ADAMTS12: variants seen among roughly 807,000 people sequenced by gnomAD.
The protein encoded by ADAMTS12 is A disintegrin and metalloproteinase with thrombospondin motifs 12.
Under a neutral mutation model 167.8 loss-of-function variants are expected in ADAMTS12, and 118 were observed. The observed-to-expected ratio is 0.70, with a 90% confidence interval of 0.61 to 0.82. The LOEUF (loss-of-function observed/expected upper bound fraction) is 0.82. Ranked by LOEUF, ADAMTS12 falls within the 40% of genes least tolerant of loss-of-function variation. The pLI, the probability that ADAMTS12 is intolerant of heterozygous loss-of-function variation, is 0.00. For synonymous variants in ADAMTS12, 704 were observed against 716.9 expected (o/e 0.98, Z 0.29); for missense variants, 1,916 against 1,998.8 (o/e 0.96, Z 0.79).
chr5:33,597,836 A>G (rs1737982149), intron 16 of ADAMTS12, among the ~76,000 whole-genome samples: 1 of 152,102 alleles, frequency 6.6e-6, no homozygotes, highest in Non-Finnish European at 1.5e-5. Flanking sequence ...TGGGGGAAAA[A>G]AGTTTAGCTG....
intron 2 of ADAMTS12, among the ~76,000 whole-genome samples, chr5:33,768,896 A>C (rs1034517269): frequency 1.3e-5 from 2 of 152,120 alleles, no homozygotes; most frequent in African/African-American, 4.8e-5. Context: ...GAATCTGTGA[A>C]TATGTTAGAT....
intron 2 of ADAMTS12, among the ~76,000 whole-genome samples, chr5:33,777,039 T>C (rs1254195387): frequency 2.0e-5 from 3 of 151,946 alleles, no homozygotes; most frequent in Non-Finnish European, 4.4e-5. Context: ...ATCAAAAACC[T>C]CCCAACAAAG....
intron 14 of ADAMTS12, among the ~76,000 whole-genome samples, chr5:33,619,714 G>C (rs769440959): frequency 6.6e-6 from 1 of 151,610 alleles, no homozygotes; most frequent in Non-Finnish European, 1.5e-5. Context: ...AATTTTTTTT[G>C]AGATGGAGTC....
chr5:33,572,158 C>T (rs1208663751), intron 19 of ADAMTS12, among the ~76,000 whole-genome samples: 1 of 152,128 alleles, frequency 6.6e-6, no homozygotes, highest in East Asian at 1.9e-4. Context: ...CAGCTGAATT[C>T]TACCAGAGGT....
At chr5:33,549,480 A>G (rs1745151136) in intron 20 of ADAMTS12, 97 bp from the exon 21 acceptor site, 1 of 1,435,966 alleles carries the variant, frequency 7.0e-7, no homozygotes, top group Non-Finnish European at 9.5e-7. Context: ...ATTCAGTCAT[A>G]AAGAGGGGTT....
intron 16 of ADAMTS12, among the ~76,000 whole-genome samples, chr5:33,606,574 C>T (rs1738449007): frequency 6.6e-6 from 1 of 152,158 alleles, no homozygotes; most frequent in Non-Finnish European, 1.5e-5. Context: ...TGAATGCATT[C>T]GTGAGTCCTA....
At chr5:33,606,143 TC>T (rs1283935062) in intron 16 of ADAMTS12, among the ~76,000 whole-genome samples, 1 of 152,216 alleles carries the variant, frequency 6.6e-6, no homozygotes, top group Non-Finnish European at 1.5e-5. Flanking sequence ...AGATGAGGTT[TC>T]ACCATGTTGG....
intron 2 of ADAMTS12, among the ~76,000 whole-genome samples, chr5:33,823,786 C>G (rs1488539179): frequency 6.6e-6 from 1 of 151,860 alleles, no homozygotes; most frequent in Non-Finnish European, 1.5e-5. Flanking sequence ...TAATCCGTTT[C>G]AGAATGACCC....
At chr5:33,650,944 G>C (rs1361664628) in intron 7 of ADAMTS12, among the ~76,000 whole-genome samples, 1 of 152,194 alleles carries the variant, frequency 6.6e-6, no homozygotes, top group African/African-American at 2.4e-5. Flanking sequence ...CTTCTGATCA[G>C]TATTAGCAAC....
rs1744104967 is a variant in ADAMTS12, at chr5:33,531,594, C to T, written c.4606+3239G>A. 2.0e-5 allele frequency among the ~76,000 whole-genome samples: 3 copies of T among 152,296 alleles called. No homozygotes were observed. The South Asian group carries it at 6.2e-4, about 32-fold the overall frequency. ...TGTCTCAATAGCTCCCAAGCTTTGT[C>T]TCTGAGAGAATGAATCTCTTGTACT... On this transcript the variant is annotated intron_variant, in intron 23 of 23. Transcript: ENST00000504830.
chr5:33,803,431 G>A (rs1747086318), intron 2 of ADAMTS12, among the ~76,000 whole-genome samples: 1 of 152,212 alleles, frequency 6.6e-6, no homozygotes, highest in Non-Finnish European at 1.5e-5. Context: ...ATGCCTTGAA[G>A]TGTGGGGTGC....
intron 22 of ADAMTS12, among the ~76,000 whole-genome samples, chr5:33,543,935 C>T (rs1744833834): frequency 6.6e-6 from 1 of 152,110 alleles, no homozygotes; most frequent in South Asian, 2.1e-4. Flanking sequence ...GGAAGCATTC[C>T]CTTTGAAAAC....
chr5:33,577,213 A>G lies in ADAMTS12; in HGVS notation c.2866-53T>C, dbSNP rs1017195989. ...GGCGAGAGAAGATGCTTTTATTCTCATGGTTAGGTCTATAACAGATCAAAA... is the reference window on the plus strand; with the variant it reads ...GGCGAGAGAAGATGCTTTTATTCTCGTGGTTAGGTCTATAACAGATCAAAA... On this transcript the variant is annotated intron_variant, in intron 18 of 23. Transcript: ENST00000504830. 3.7e-6 allele frequency: 6 copies of G among 1,610,760 alleles called. No homozygotes were observed. In the African/African-American group the frequency reaches 6.7e-5, roughly 18 times the overall value.
Position 33,627,421 on chromosome 5 carries a change from G to T in ADAMTS12, c.2023-3070C>A, listed in dbSNP as rs538370416. 7.4e-5 allele frequency among the ~76,000 whole-genome samples: 11 copies of T among 149,528 alleles called. No homozygotes were observed. The East Asian group carries it at 2.2e-3, about 30-fold the overall frequency. ...GGCGATGATGTAGTGGTGATGGTTG[G>T]GTGATAATGGTGGTGGATATGGTGG... is the stretch of plus-strand genomic sequence containing the variant. On this transcript the variant is annotated intron_variant, in intron 13 of 23. Transcript: ENST00000504830.
intron 2 of ADAMTS12, among the ~76,000 whole-genome samples, chr5:33,824,263 T>G (rs1224625350): frequency 1.3e-5 from 2 of 152,138 alleles, no homozygotes; most frequent in African/African-American, 4.8e-5. Flanking sequence ...AACCCTAGAC[T>G]TCTATGCTAC....
chr5:33,676,707 C>CACAGAGAG (rs879440613), intron 5 of ADAMTS12, among the ~76,000 whole-genome samples: 1 of 149,020 alleles, frequency 6.7e-6, no homozygotes, highest in African/African-American at 2.5e-5. Context: ...CACACACACA[C>CACAGAGAG]AGAGAGAGAG....
chr5:33,649,113 T>G, intron 8 of ADAMTS12, 147 bp from the exon 9 acceptor site: 1 of 888,490 alleles, frequency 1.1e-6, no homozygotes, highest in Non-Finnish European at 1.7e-6. Context: ...TCTAGGCCCA[T>G]CATGGGAGTT....
chr5:33,691,310 C>T (rs1742539798), intron 3 of ADAMTS12, among the ~76,000 whole-genome samples: 1 of 152,154 alleles, frequency 6.6e-6, no homozygotes, highest in African/African-American at 2.4e-5. Flanking sequence ...CCATTAATAC[C>T]TAGTGTTCTG....
intron 2 of ADAMTS12, among the ~76,000 whole-genome samples, chr5:33,871,936 T>C (rs1009164060): frequency 2.6e-5 from 4 of 152,232 alleles, no homozygotes; most frequent in African/African-American, 9.6e-5. Flanking sequence ...AACCACTATA[T>C]GCCCCAATAT....
Sources: gnomAD v4.1 joint callset for allele counts (sites outside exome capture counted in the v4.1 genomes callset) on GRCh38, gnomAD v4.1.1 for gene constraint, MANE v1.5 for transcripts, NCBI Gene and HGNC (gene_info 2026-07-23, HGNC 2026-07-21) for gene names.